LTBP1: variants seen among roughly 807,000 people sequenced by gnomAD.
The protein encoded by LTBP1 is latent-transforming growth factor beta-binding protein 1.
In LTBP1, 129 loss-of-function variants were observed where a neutral mutation model predicts 207.6. The observed-to-expected ratio is 0.62, with a 90% confidence interval of 0.54 to 0.72. The LOEUF (loss-of-function observed/expected upper bound fraction) is 0.72. Ranked by LOEUF, LTBP1 falls within the 30% of genes least tolerant of loss-of-function variation. The pLI is 0.00. For synonymous variants in LTBP1, 963 were observed against 833.7 expected (o/e 1.16, Z -2.67); for missense variants, 2,281 against 2,217.2 (o/e 1.03, Z -0.58).
At chr2:33,275,503 G>A (rs1172110883) in intron 17 of LTBP1, among the ~76,000 whole-genome samples, 2 of 152,054 alleles carry the variant, frequency 1.3e-5, no homozygotes, top group African/African-American at 4.8e-5. Context: ...TGACCAACTT[G>A]GAGAAACCCT....
chr2:33,031,108 CTCAAAT>C (rs1302471184), intron 3 of LTBP1, among the ~76,000 whole-genome samples: 2 of 151,916 alleles, frequency 1.3e-5, no homozygotes, highest in Admixed American at 1.3e-4. Flanking sequence ...TTTTTTTATG[CTCAAAT>C]TTGGAAGAAA....
chr2:33,109,248 GT>G (rs776849541), intron 3 of LTBP1, among the ~76,000 whole-genome samples: 9 of 152,210 alleles, frequency 5.9e-5, no homozygotes, highest in Non-Finnish European at 8.8e-5. Context: ...GTACGGTGGT[GT>G]TTTGGGTGGC....
At chr2:33,228,666 G>T in intron 9 of LTBP1, among the ~76,000 whole-genome samples, 1 of 138,222 alleles carries the variant, frequency 7.2e-6, no homozygotes, top group African/African-American at 2.7e-5. Context: ...GGGTCACAAA[G>T]ATAGTTAATA....
At chr2:33,233,400 A>T (rs2091893038) in intron 9 of LTBP1, among the ~76,000 whole-genome samples, 1 of 152,036 alleles carries the variant, frequency 6.6e-6, no homozygotes, top group Non-Finnish European at 1.5e-5. Flanking sequence ...TTCTTGTTTT[A>T]TATTGTTTAA....
At chr2:33,311,881 G>A (rs914181461) in intron 23 of LTBP1, among the ~76,000 whole-genome samples, 3 of 152,060 alleles carry the variant, frequency 2.0e-5, no homozygotes, top group Non-Finnish European at 4.4e-5. Flanking sequence ...AATTGACTTC[G>A]TTCTCTGTCA....
intron 20 of LTBP1, among the ~76,000 whole-genome samples, chr2:33,296,853 A>T (rs1310308919): frequency 6.6e-6 from 1 of 152,184 alleles, no homozygotes; most frequent in Non-Finnish European, 1.5e-5. Flanking sequence ...TGCAAATAAA[A>T]GGGAGCAATA....
At chr2:33,042,142 T>C (rs546861372) in intron 3 of LTBP1, among the ~76,000 whole-genome samples, 3 of 152,348 alleles carry the variant, frequency 2.0e-5, no homozygotes, top group East Asian at 1.9e-4. Context: ...GTACTTGCCA[T>C]CCATAGATCT....
At chr2:33,060,646 C>G (rs2077220161) in intron 3 of LTBP1, among the ~76,000 whole-genome samples, 1 of 107,222 alleles carries the variant, frequency 9.3e-6, no homozygotes, top group African/African-American at 3.0e-5. Context: ...ATTTTAAATT[C>G]AGATCTGTGT....
At chr2:33,363,001 T>C (rs976548065) in intron 28 of LTBP1, among the ~76,000 whole-genome samples, 8 of 152,212 alleles carry the variant, frequency 5.3e-5, no homozygotes, top group African/African-American at 1.9e-4. Flanking sequence ...TTGGAAACTT[T>C]CTACATCTCA....
intron 9 of LTBP1, among the ~76,000 whole-genome samples, chr2:33,228,913 A>G (rs936022884): frequency 3.3e-5 from 5 of 151,540 alleles, no homozygotes; most frequent in African/African-American, 7.3e-5. Flanking sequence ...GTTTGCCAGG[A>G]TGGTTTTGAT....
intron 24 of LTBP1, among the ~76,000 whole-genome samples, chr2:33,333,167 C>G (rs1479887589): frequency 6.6e-6 from 1 of 151,900 alleles, no homozygotes; most frequent in Non-Finnish European, 1.5e-5. Context: ...ACCTTTAATA[C>G]TGGGGCACTT....
intron 15 of LTBP1, among the ~76,000 whole-genome samples, chr2:33,269,722 G>A (rs567006499): frequency 5.3e-5 from 8 of 152,232 alleles, no homozygotes; most frequent in African/African-American, 1.2e-4. Flanking sequence ...TTTGCATGCC[G>A]ATGTGTGAGT....
intron 22 of LTBP1, among the ~76,000 whole-genome samples, chr2:33,306,076 G>A (rs775630105): frequency 8.5e-5 from 13 of 152,056 alleles, no homozygotes; most frequent in East Asian, 5.8e-4. Flanking sequence ...TTGTGCTCTC[G>A]TAATGTTCAA....
At chr2:33,374,381 A>T (rs1449224195) in intron 31 of LTBP1, among the ~76,000 whole-genome samples, 1 of 152,194 alleles carries the variant, frequency 6.6e-6, no homozygotes, top group South Asian at 2.1e-4. Flanking sequence ...TGAGGTTATG[A>T]TAATTAATAC....
At chr2:33,358,162 TCA>T (rs2094886718) in intron 26 of LTBP1, among the ~76,000 whole-genome samples, 1 of 152,156 alleles carries the variant, frequency 6.6e-6, no homozygotes, top group Admixed American at 6.5e-5. Context: ...TGACTAACCC[TCA>T]GTTTCAGCTG....
At chr2:33,321,824 C>A (rs1318525182) in intron 24 of LTBP1, among the ~76,000 whole-genome samples, 1 of 152,156 alleles carries the variant, frequency 6.6e-6, no homozygotes, top group East Asian at 1.9e-4. Flanking sequence ...ATTTTAACAA[C>A]AGAATCCACT....
intron 9 of LTBP1, among the ~76,000 whole-genome samples, chr2:33,242,685 TAA>T (rs200164588): frequency 0.022 from 3,081 of 138,174 alleles, 33 homozygotes; most frequent in East Asian, 0.03. Context: ...CAGTTGTTCT[TAA>T]AAAAAAAAAA....
At chr2:33,257,971 G>A (rs906151952) in intron 12 of LTBP1, among the ~76,000 whole-genome samples, 2 of 152,250 alleles carry the variant, frequency 1.3e-5, no homozygotes, top group Non-Finnish European at 2.9e-5. Flanking sequence ...GTCAGTTGAA[G>A]AGATCTGGTG....
intron 5 of LTBP1, among the ~76,000 whole-genome samples, chr2:33,152,915 T>G (rs1210046420): frequency 6.6e-6 from 1 of 152,220 alleles, no homozygotes; most frequent in Non-Finnish European, 1.5e-5. Flanking sequence ...TTAATAGTGG[T>G]GCTGCTACTT....
Sources: allele counts gnomAD v4.1 joint callset (sites outside exome capture counted in the v4.1 genomes callset), GRCh38; gene constraint gnomAD v4.1.1; transcripts MANE v1.5; gene names NCBI Gene and HGNC (gene_info 2026-07-23, HGNC 2026-07-21).